Variants in NCOA2 observed in about 807,000 individuals in gnomAD.
The protein encoded by NCOA2 is class E basic helix-loop-helix protein 75.
NCOA2 carries 21 observed loss-of-function variants against 145.1 expected under a neutral mutation model. That is an observed-to-expected ratio of 0.14 (90% confidence interval 0.10 to 0.21). The LOEUF (loss-of-function observed/expected upper bound fraction) is 0.21. NCOA2 is among the 10% of genes least tolerant of loss of function. NCOA2 has a pLI of 1.00. For missense variants in NCOA2, 1,472 were observed against 1,837.6 expected, an observed-to-expected ratio of 0.80 and a Z score of 3.64; for synonymous variants, 619 against 637.5, an observed-to-expected ratio of 0.97 and a Z score of 0.44.
intron 2 of NCOA2, among the ~76,000 whole-genome samples, chr8:70,249,209 T>A (rs562691940): frequency 8.5e-5 from 13 of 152,162 alleles, no homozygotes; most frequent in Non-Finnish European, 1.6e-4. Context: ...AGCACTGACA[T>A]TGAAGAGCAG....
chr8:70,390,706 G>T (rs1301001567), intron 1 of NCOA2, among the ~76,000 whole-genome samples: 1 of 152,132 alleles, frequency 6.6e-6, no homozygotes, highest in African/African-American at 2.4e-5. Context: ...GTTTGAGGCT[G>T]CAGTGAGCTA....
At position 70,203,578 on chromosome 8, in the gene NCOA2, G is replaced by GA. The variant is rs1182150667; in HGVS notation, c.259+10324dup. ...TGGGCAACATTGCAAGACCTCAACT[G>GA]AAAAAAAAAAGAAATAAGAAAGAAA... On this transcript the variant is annotated intron_variant, in intron 4 of 22. Coordinates refer to ENST00000452400, the MANE Select transcript of NCOA2 (RefSeq NM_006540.4). Among the ~76,000 whole-genome samples the GA allele has an allele frequency of 3.4e-4, 49 of 143,994 alleles. No homozygotes were observed. In the South Asian group the frequency reaches 5.5e-3, roughly 16 times the overall value. 94.5% of individuals were successfully genotyped at this position (143,994 alleles called of 152,430 possible).
At chr8:70,198,224 GT>G (rs1340871536) in intron 4 of NCOA2, among the ~76,000 whole-genome samples, 2 of 152,210 alleles carry the variant, frequency 1.3e-5, no homozygotes, top group African/African-American at 2.4e-5. Flanking sequence ...GTAATAGGGA[GT>G]TTTTTGTGTT....
chr8:70,441,816 G>GAAAGAAAGAAAGAAAGAA, the NCOA2 span, among the ~76,000 whole-genome samples: 156 of 116,796 alleles, frequency 1.3e-3, no homozygotes, highest in African/African-American at 4.2e-3. Flanking sequence ...AAGAAAGAAA[G>GAAAGAAAGAAAGAAAGAA]AAGAAAGAAG....
chr8:70,364,830 T>G (rs1023248101), intron 1 of NCOA2, among the ~76,000 whole-genome samples: 4 of 90,758 alleles, frequency 4.4e-5, no homozygotes, highest in South Asian at 6.3e-4. Context: ...AAAAGGTTTG[T>G]TTTTTTTTTT....
chr8:70,339,510 A>G (rs1016908909), intron 1 of NCOA2, among the ~76,000 whole-genome samples: 1 of 152,218 alleles, frequency 6.6e-6, no homozygotes, highest in African/African-American at 2.4e-5. Context: ...ATACTGCCCA[A>G]AGTAATTTAT....
At chr8:70,408,776 T>C (rs1473308903), upstream of NCOA2, among the ~76,000 whole-genome samples, 16 of 66,674 alleles carry the variant, frequency 2.4e-4, no homozygotes, top group African/African-American at 1.5e-3. Context: ...CACACCCAGC[T>C]TTTTTTTTTT....
At chr8:70,123,338 A>G (rs920560476) in intron 21 of NCOA2, among the ~76,000 whole-genome samples, 3 of 152,234 alleles carry the variant, frequency 2.0e-5, no homozygotes, top group Admixed American at 6.5e-5. Context: ...TTTTACACTT[A>G]GAAATAAATC....
chr8:70,138,058 A>C, intron 15 of NCOA2, 145 bp downstream of exon 15: 1 of 774,902 alleles, frequency 1.3e-6, no homozygotes, highest in Non-Finnish European at 1.9e-6. Context: ...TGATTTCTGG[A>C]TTCACCCCTC....
chr8:70,313,581 T>A (rs918634570), intron 1 of NCOA2, among the ~76,000 whole-genome samples: 4 of 152,158 alleles, frequency 2.6e-5, no homozygotes, highest in African/African-American at 9.7e-5. Flanking sequence ...ACCCTTCACC[T>A]CATATATATG....
At chr8:70,258,280 C>T (rs1170165649) in intron 2 of NCOA2, among the ~76,000 whole-genome samples, 1 of 152,232 alleles carries the variant, frequency 6.6e-6, no homozygotes, top group Non-Finnish European at 1.5e-5. Flanking sequence ...TCCTTGAAAT[C>T]TTGTCTGCTG....
intron 13 of NCOA2, among the ~76,000 whole-genome samples, chr8:70,143,374 A>G (rs1810677321): frequency 6.6e-6 from 1 of 152,216 alleles, no homozygotes; most frequent in African/African-American, 2.4e-5. Context: ...GATTCCTACA[A>G]GAACTCATAT....
At chr8:70,311,119 A>G (rs1417530146) in intron 1 of NCOA2, among the ~76,000 whole-genome samples, 1 of 151,990 alleles carries the variant, frequency 6.6e-6, no homozygotes, top group Non-Finnish European at 1.5e-5. Flanking sequence ...TTTATTTCCT[A>G]GTTTTTTTTT....
At chr8:70,270,407 A>G (rs2135274575) in intron 2 of NCOA2, among the ~76,000 whole-genome samples, 1 of 152,284 alleles carries the variant, frequency 6.6e-6, no homozygotes, top group South Asian at 2.1e-4. Context: ...TTCCAGCTCT[A>G]AAGTAAAGAT....
chr8:70,246,980 A>C (rs1281582971), intron 2 of NCOA2, among the ~76,000 whole-genome samples: 2 of 152,194 alleles, frequency 1.3e-5, no homozygotes, highest in Non-Finnish European at 2.9e-5. Context: ...AGATACCAGA[A>C]GGGATTATTA....
chr8:70,193,554 G>A (rs1221616788), intron 4 of NCOA2, among the ~76,000 whole-genome samples: 1 of 152,002 alleles, frequency 6.6e-6, no homozygotes, highest in Non-Finnish European at 1.5e-5. Context: ...TGTACTATGT[G>A]TAATTTTTTC....
At chr8:70,178,298 A>G (rs909150036) in intron 4 of NCOA2, among the ~76,000 whole-genome samples, 5 of 152,236 alleles carry the variant, frequency 3.3e-5, no homozygotes, top group Admixed American at 3.3e-4. Flanking sequence ...AAATTGGGAG[A>G]TGATTTGGAT....
At chr8:70,349,778 T>C (rs1809005385) in intron 1 of NCOA2, among the ~76,000 whole-genome samples, 1 of 152,292 alleles carries the variant, frequency 6.6e-6, no homozygotes, top group East Asian at 1.9e-4. Context: ...CATCTGTGAA[T>C]CTAATTTTCA....
At chr8:70,208,748 T>C (rs1818723055) in intron 4 of NCOA2, among the ~76,000 whole-genome samples, 1 of 152,218 alleles carries the variant, frequency 6.6e-6, no homozygotes, top group South Asian at 2.1e-4. Flanking sequence ...TATAGTATGG[T>C]TTACTGACTA....
Sources: allele counts gnomAD v4.1 joint callset (sites outside exome capture counted in the v4.1 genomes callset), GRCh38; gene constraint gnomAD v4.1.1; transcripts MANE v1.5; gene names NCBI Gene and HGNC (gene_info 2026-07-23, HGNC 2026-07-21).